The following RYR1 variants were observed in gnomAD, a reference collection of about 807,000 sequenced individuals.
The protein encoded by RYR1 is ryanodine receptor 1.
In RYR1, 342 loss-of-function variants were observed where a neutral mutation model predicts 583.5. The ratio of observed to expected loss-of-function variants is 0.59; its 90% CI spans 0.54 to 0.64. The LOEUF (loss-of-function observed/expected upper bound fraction) is 0.64. Ranked by LOEUF, RYR1 falls within the 30% of genes least tolerant of loss-of-function variation. The probability of loss-of-function intolerance (pLI) is 0.00; values close to 1 mark genes in which losing one functional copy is unlikely to be tolerated. For synonymous variants in RYR1, 2,791 were observed against 2,822.5 expected (o/e 0.99, Z 0.35); for missense variants, 6,032 against 6,917.2 (o/e 0.87, Z 4.54).
In RYR1 at chr19:38,577,177, C is replaced by T. The variant is rs544737706; in HGVS notation, c.14173-741C>T. 5.9e-5 allele frequency among the ~76,000 whole-genome samples: 9 copies of T among 152,212 alleles called. No homozygotes were observed. In the South Asian group the frequency reaches 1.5e-3, roughly 25 times the overall value. ...CTGGGATTACAGGCACGAGCCACCG[C>T]GCCCAGCCGATTGCCTGCCTTTCTA... On this transcript the variant is annotated intron_variant, in intron 97 of 105. Coordinates refer to ENST00000359596, the MANE Select transcript of RYR1 (RefSeq NM_000540.3).
rs2915949 is a variant in RYR1 at position 38,504,512 on chromosome 19, G to A, written c.8067+152G>A. 0.28 allele frequency: 313,512 copies of A among 1,138,828 alleles called. 47,969 individuals are homozygous for A. The highest frequency in any genetic ancestry group is 0.47 in the African/African-American group (30,036 of 63,614). 70.5% of individuals were successfully genotyped at this position (1,138,828 alleles called of 1,614,324 possible). On this transcript the variant is annotated intron_variant, in intron 50 of 105. Coordinates refer to ENST00000359596, the MANE Select transcript of RYR1 (RefSeq NM_000540.3). Reference sequence around the variant, plus strand: ...AGGAGGATCTATGGGTTGAGGCTTCGATTTGGAGGTTATGAAAGAGGGGGT... The same window carrying A: ...AGGAGGATCTATGGGTTGAGGCTTCAATTTGGAGGTTATGAAAGAGGGGGT...
chr19:38,467,353 T>C (rs991669959), intron 24 of RYR1, among the ~76,000 whole-genome samples: 4 of 152,124 alleles, frequency 2.6e-5, no homozygotes, highest in Admixed American at 1.3e-4. Flanking sequence ...GCTTTTTCCT[T>C]CTGTGTCTCT....
chr19:38,513,540 A>G (rs1970820476), intron 63 of RYR1, among the ~76,000 whole-genome samples: 1 of 152,046 alleles, frequency 6.6e-6, no homozygotes, highest in Non-Finnish European at 1.5e-5. Context: ...CCAACTTTGT[A>G]TTTTGAAATT....
rs1973339654 is a variant in RYR1, at chr19:38,565,178, C to T, written c.12844C>T (p.Leu4282Phe). The part of the protein sequence containing the change: ...AEGAEEGAAG[L>F]EGTAATAAAG... ...AGGCGCGGAGGAGGGCGCGGCGGGG[C>T]TCGAGGGCACGGCGGCCACGGCGGC... Residue 4282 changes from leucine to phenylalanine, a missense_variant, in exon 91 of 106, where the codon CTC becomes TTC. Transcript: ENST00000359596. This position sits in a 1 kb window ranked among gnomAD's most constrained non-coding sequence, Gnocchi z 4.7. 3 of 1,175,726 alleles carry T rather than the reference C, an allele frequency of 2.6e-6. No homozygotes were observed. Among genetic ancestry groups the T allele is most frequent in the Non-Finnish European group, 3.2e-6 (3 of 950,906 alleles). The allele number at this position is 1,175,726 out of a possible 1,614,324, so 72.8% of individuals were successfully genotyped here. A position where few individuals can be genotyped will look rare whatever the true frequency, so the allele number is the denominator to read the frequency against.
At chr19:38,558,484 C>G (rs1972975566) in intron 89 of RYR1, among the ~76,000 whole-genome samples, 2 of 151,930 alleles carry the variant, frequency 1.3e-5, no homozygotes, top group Admixed American at 1.3e-4. Context: ...ACTATGTACC[C>G]ACAAAAATGA....
At chr19:38,532,456 C>T (rs189992571) in intron 76 of RYR1, 34 bp from the exon 77 acceptor site, 177 of 1,612,202 alleles carry the variant, frequency 1.1e-4, no homozygotes, top group Admixed American at 2.2e-4. Flanking sequence ...TCCTCTCCAC[C>T]GGGTCCTGAC....
intron 33 of RYR1, among the ~76,000 whole-genome samples, 172 bp from the exon 34 acceptor site, chr19:38,485,418 C>A (rs775961408): frequency 6.6e-6 from 1 of 152,200 alleles, no homozygotes; most frequent in South Asian, 2.1e-4. Flanking sequence ...GCCTCTGTCT[C>A]CCATCTTCTC....
In RYR1 at chr19:38,569,049, T is replaced by C. The variant is rs558528221; in HGVS notation, c.13659+1132T>C. On this transcript the variant is annotated intron_variant, in intron 93 of 105. Coordinates refer to ENST00000359596, the MANE Select transcript of RYR1 (RefSeq NM_000540.3). ...TTTTTGAGACGGAGTCTCGCTCTGT[T>C]GCCCAGGTTGGAGTGCAGTGGCACA... Among the ~76,000 whole-genome samples the C allele has an allele frequency of 5.4e-3, 820 of 152,014 alleles. 9 individuals are homozygous for C. Among genetic ancestry groups the C allele is most frequent in the African/African-American group, 0.018 (758 of 41,466 alleles).
At chr19:38,530,760 A>T (rs561942887) in intron 76 of RYR1, among the ~76,000 whole-genome samples, 9 of 151,708 alleles carry the variant, frequency 5.9e-5, no homozygotes, top group African/African-American at 2.2e-4. Context: ...AGAAAGAAGG[A>T]CAAAGGGTCC....
intron 102 of RYR1, among the ~76,000 whole-genome samples, chr19:38,585,552 C>T (rs1974445055): frequency 6.6e-6 from 1 of 151,378 alleles, no homozygotes; most frequent in Non-Finnish European, 1.5e-5. Context: ...TGGCTCACTG[C>T]AACCTCTACC....
At position 38,565,700 on chromosome 19, in the gene RYR1, G is replaced by T; in HGVS notation, c.13366G>T (p.Asp4456Tyr). Reference sequence around the variant, plus strand: ...GCCCGAAGGGGCTGGCGGTCTCGGGGACATGGGGGACACGACGCCTGCGGA... The same window carrying T: ...GCCCGAAGGGGCTGGCGGTCTCGGGTACATGGGGGACACGACGCCTGCGGA... ...FRPEGAGGLG[D>Y]MGDTTPAEPP... Residue 4456 changes from aspartate (D) to tyrosine (Y), a missense_variant, in exon 91 of 106, where the codon GAC becomes TAC. Physicochemically the swap from Asp to Tyr is radical, Grantham distance 160 (BLOSUM62 -3). Transcript: ENST00000359596. This position sits in a 1 kb window ranked among gnomAD's most constrained non-coding sequence, Gnocchi z 4.7. 7.0e-7 allele frequency: 1 copy of T among 1,422,326 alleles called. No individual in the cohort carries two copies. Among genetic ancestry groups the T allele is most frequent in the Non-Finnish European group, 9.1e-7 (1 of 1,096,772 alleles). 88.1% of individuals were successfully genotyped at this position (1,422,326 alleles called of 1,614,324 possible).
chr19:38,534,989 C>A, intron 79 of RYR1, 152 bp from the exon 80 acceptor site: 1 of 1,013,428 alleles, frequency 9.9e-7, no homozygotes, highest in Non-Finnish European at 1.5e-6. Context: ...CAATTTCTCA[C>A]TCATCCTTCA....
Position 38,565,191 on chromosome 19 carries a change from C to CGGCCACGGCGGCGGCGGG in RYR1, c.12861_12878dup (p.Ala4290_Ala4295dup), listed in dbSNP as rs1973341482. 9.5e-7 allele frequency: 1 copy of CGGCCACGGCGGCGGCGGG among 1,047,636 alleles called. No individual in the cohort carries two copies. Among genetic ancestry groups the CGGCCACGGCGGCGGCGGG allele is most frequent in the Non-Finnish European group, 1.1e-6 (1 of 872,684 alleles). The allele number at this position is 1,047,636 out of a possible 1,614,324, so 64.9% of individuals were successfully genotyped here. A position where few individuals can be genotyped will look rare whatever the true frequency, so the allele number is the denominator to read the frequency against. The stretch of plus-strand genomic sequence containing the variant: ...GGCGCGGCGGGGCTCGAGGGCACGG[C>CGGCCACGGCGGCGGCGGG]GGCCACGGCGGCGGCGGGGGCGACG... On this transcript the variant is annotated inframe_insertion, in exon 91 of 106. Transcript: ENST00000359596. The surrounding 1 kb of genome is among the most constrained non-coding windows in gnomAD (Gnocchi z 4.7).
rs1241863081 is a variant in RYR1, at chr19:38,446,709, G to A, written c.741G>A (p.Glu247=). 6.2e-7 allele frequency: 1 copy of A among 1,613,792 alleles called. No individual in the cohort carries two copies. The highest frequency in any genetic ancestry group is 8.5e-7 in the Non-Finnish European group (1 of 1,179,760). The change falls in exon 9 of 106, where the codon GAG becomes GAA. Residue 247 remains glutamate (E), a synonymous_variant. Coordinates refer to ENST00000359596, the MANE Select transcript of RYR1 (RefSeq NM_000540.3). ...GTGTCCCCAGACTTGTCTACTATGA[G>A]GGGGGAGCTGTGTGCACTCATGCCC... ...SDDQRRLVYY[E]GGAVCTHARS... is the part of the protein sequence containing the mutation.
chr19:38,529,006 C>T lies in RYR1; in HGVS notation c.11090C>T (p.Pro3697Leu), dbSNP rs1396944765. 10 of 1,613,906 alleles carry T rather than the reference C, an allele frequency of 6.2e-6. No individual in the cohort carries two copies. In the East Asian group the frequency reaches 2.2e-4, roughly 36 times the overall value. Residue 3697 changes from proline to leucine, a missense_variant, in exon 76 of 106, where the codon CCC becomes CTC. Pro to Leu is a moderately conservative substitution (Grantham distance 98, BLOSUM62 -3). This residue lies in a region of RYR1 where 1,493 missense variants were observed against 1,715.5 expected (regional missense o/e 0.87). Coordinates refer to ENST00000359596, the MANE Select transcript of RYR1 (RefSeq NM_000540.3). Reference protein sequence around the residue: ...EEEVEEKKPDPLHQLVLHFSR... With the variant: ...EEEVEEKKPDLLHQLVLHFSR... ...GAGGTGGAAGAGAAGAAGCCAGACC[C>T]CCTGCACCAGTTGGTCCTGCACTTC...
chr19:38,577,744 A>G lies in RYR1; in HGVS notation c.14173-174A>G, dbSNP rs558804340. 1.1e-3 allele frequency among the ~76,000 whole-genome samples: 171 copies of G among 152,088 alleles called. 2 individuals are homozygous for G. The highest frequency in any genetic ancestry group is 2.1e-3 in the Non-Finnish European group (140 of 67,964). ...CCGGGAGGCACAGGTTGCAGTGAGC[A>G]GAGATGGCGCCACTGCCCTCCAGCC... On this transcript the variant is annotated intron_variant, in intron 97 of 105. Transcript: ENST00000359596.
intron 84 of RYR1, among the ~76,000 whole-genome samples, chr19:38,539,848 A>AT (rs1329556544): frequency 3.3e-5 from 5 of 151,948 alleles, no homozygotes; most frequent in African/African-American, 9.7e-5. Context: ...AGTTGCCAGA[A>AT]TTTTTTTTAC....
intron 49 of RYR1, among the ~76,000 whole-genome samples, 200 bp downstream of exon 49, chr19:38,503,170 T>C (rs907162121): frequency 6.6e-6 from 1 of 152,196 alleles, no homozygotes; most frequent in Non-Finnish European, 1.5e-5. Context: ...GCTTCATTGA[T>C]GCCTCTAGCG....
intron 52 of RYR1, 104 bp from the exon 53 acceptor site, chr19:38,505,205 G>T: frequency 3.4e-6 from 4 of 1,179,168 alleles, no homozygotes; most frequent in Non-Finnish European, 5.0e-6. Flanking sequence ...CCCTTAGCTT[G>T]TTCTGGGACC....
Sources: gnomAD v4.1 joint callset for allele counts (sites outside exome capture counted in the v4.1 genomes callset) on GRCh38, gnomAD v4.1.1 for gene constraint, gnomAD v4.1.1 regional missense constraint, Gnocchi (gnomAD v3.1) non-coding constraint, MANE v1.5 for transcripts, NCBI Gene and HGNC (gene_info 2026-07-23, HGNC 2026-07-21) for gene names.